SLC9B2: variants seen among roughly 807,000 people sequenced by gnomAD.
The protein encoded by SLC9B2 is solute carrier family 9 member B2, also known as sodium/hydrogen exchanger 9B2.
A neutral mutation model predicts 52.2 loss-of-function variants in SLC9B2; 39 were observed. That is an observed-to-expected ratio of 0.75 (90% CI 0.58 to 0.98). SLC9B2 has a LOEUF of 0.98. SLC9B2 is among the 50% of genes least tolerant of loss of function. The pLI, the probability that SLC9B2 is intolerant of heterozygous loss-of-function variation, is 0.00. For synonymous variants in SLC9B2, 214 were observed against 227.0 expected (o/e 0.94, Z 0.51); for missense variants, 626 against 637.5 (o/e 0.98, Z 0.19).
chr4:103,057,293 T>C (rs1156491854), intron 4 of SLC9B2, among the ~76,000 whole-genome samples: 171 of 146,726 alleles, frequency 1.2e-3, no homozygotes, highest in Middle Eastern at 7.0e-3. Flanking sequence ...CACACACATA[T>C]ATACACACAC....
At chr4:103,019,878 T>C (rs893661379), downstream of SLC9B2, 2 of 986,320 alleles carry the variant, frequency 2.0e-6, no homozygotes, top group South Asian at 4.6e-5. Context: ...GAATATTGAC[T>C]CATCGGGTTG....
chr4:103,056,361 T>A (rs147968447), intron 4 of SLC9B2, among the ~76,000 whole-genome samples: 1 of 151,592 alleles, frequency 6.6e-6, no homozygotes, highest in South Asian at 2.1e-4. Context: ...AATTCTCCTA[T>A]CTCAGCCTCC....
intron 9 of SLC9B2, among the ~76,000 whole-genome samples, chr4:103,036,922 G>C (rs1743233022): frequency 6.6e-6 from 1 of 151,816 alleles, no homozygotes; most frequent in Admixed American, 6.6e-5. Context: ...TATACACCAG[G>C]TCCTCAAATA....
At chr4:103,054,114 C>T (rs548113306) in intron 4 of SLC9B2, among the ~76,000 whole-genome samples, 1 of 151,712 alleles carries the variant, frequency 6.6e-6, no homozygotes, top group African/African-American at 2.4e-5. Flanking sequence ...CCTGTCTCTG[C>T]AAAAATAAAA....
intron 8 of SLC9B2, among the ~76,000 whole-genome samples, chr4:103,044,213 C>T (rs943651509): frequency 6.6e-6 from 1 of 152,158 alleles, no homozygotes; most frequent in African/African-American, 2.4e-5. Flanking sequence ...GCCTAAGCCT[C>T]AATTTCCTTA....
intron 3 of SLC9B2, 70 bp downstream of exon 3, chr4:103,066,257 C>A: frequency 6.6e-7 from 1 of 1,516,114 alleles, no homozygotes; most frequent in Non-Finnish European, 8.9e-7. Flanking sequence ...GTCCTTTCAA[C>A]CATATTATTT....
intron 4 of SLC9B2, 44 bp downstream of exon 4, chr4:103,057,757 A>C (rs1444808711): frequency 6.5e-7 from 1 of 1,548,272 alleles, no homozygotes; most frequent in African/African-American, 1.4e-5. Flanking sequence ...TTATCTTAAA[A>C]ATATAGTTTA....
At chr4:103,019,543 C>CCCGG, downstream of SLC9B2, 3 of 981,604 alleles carry the variant, frequency 3.1e-6, no homozygotes, top group South Asian at 1.4e-4. Flanking sequence ...TCGCGGCAGA[C>CCCGG]CCGGGACTAG....
intron 9 of SLC9B2, among the ~76,000 whole-genome samples, chr4:103,041,172 A>G (rs1743607081): frequency 6.6e-6 from 1 of 152,216 alleles, no homozygotes; most frequent in South Asian, 2.1e-4. Flanking sequence ...TCATTTCAGC[A>G]TAATTTAAAA....
downstream of SLC9B2, among the ~76,000 whole-genome samples, chr4:103,018,163 C>T (rs1741496101): frequency 6.6e-6 from 1 of 152,066 alleles, no homozygotes; most frequent in Admixed American, 6.5e-5. Flanking sequence ...AGGATGAGTA[C>T]AAAAATAAGT....
chr4:103,071,191 T>C lies in SLC9B2; in HGVS notation c.-42-3599A>G, dbSNP rs749551926. Among the ~76,000 whole-genome samples, 7 of 151,882 alleles carry C rather than the reference T, an allele frequency of 4.6e-5. No homozygotes were observed. The East Asian group carries it at 5.8e-4, about 13-fold the overall frequency. On this transcript the variant is annotated intron_variant, in intron 1 of 11. Transcript: ENST00000394785. The stretch of plus-strand genomic sequence containing the variant: ...TTTCTTATGTAATTTGATATATATA[T>C]ATATTTTGTTGTTGTTGTTGTTGTT...
In SLC9B2 at chr4:103,043,166, T is replaced by C. The variant is rs540882364; in HGVS notation, c.1146+130A>G. On this transcript the variant is annotated intron_variant, in intron 9 of 11. Coordinates refer to ENST00000394785, the MANE Select transcript of SLC9B2 (RefSeq NM_178833.7). ...AAAAGATGAACACTGGGTGTACATT[T>C]GTATATGCACATTAAGATAGCTTTT... is the stretch of plus-strand genomic sequence containing the variant. 17 of 972,342 alleles carry C rather than the reference T, an allele frequency of 1.7e-5. No individual in the cohort carries two copies. In the East Asian group the frequency reaches 3.3e-4, roughly 19 times the overall value. 60.2% of individuals were successfully genotyped at this position (972,342 alleles called of 1,614,324 possible).
At chr4:103,019,754 G>A, downstream of SLC9B2, 5 of 985,600 alleles carry the variant, frequency 5.1e-6, no homozygotes, top group Non-Finnish European at 3.6e-6. Context: ...AGGCGGCAGC[G>A]CGTTTAAGTG....
rs1314344131 is a variant in SLC9B2, at chr4:103,067,412, G to C, written c.90+49C>G. Reference sequence around the variant, plus strand: ...TTTGGGGATAGGAGAATTGGTAAATGAGTGGTAGAATATGAAGAAAACACA... The same window carrying C: ...TTTGGGGATAGGAGAATTGGTAAATCAGTGGTAGAATATGAAGAAAACACA... On this transcript the variant is annotated intron_variant, in intron 2 of 11. Coordinates refer to ENST00000394785, the MANE Select transcript of SLC9B2 (RefSeq NM_178833.7). 4 of 1,510,602 alleles carry C rather than the reference G, an allele frequency of 2.6e-6. No homozygotes were observed. In the African/African-American group the frequency reaches 5.5e-5, roughly 21 times the overall value. 93.6% of individuals were successfully genotyped at this position (1,510,602 alleles called of 1,614,324 possible). A position where few individuals can be genotyped will look rare whatever the true frequency, so the allele number is the denominator to read the frequency against.
At chr4:103,032,915 T>G (rs896169286) in intron 9 of SLC9B2, among the ~76,000 whole-genome samples, 8 of 152,164 alleles carry the variant, frequency 5.3e-5, no homozygotes, top group African/African-American at 1.9e-4. Flanking sequence ...GGTACAGGCT[T>G]AAGGGGATGA....
chr4:103,052,655 C>G (rs964089682), intron 4 of SLC9B2, among the ~76,000 whole-genome samples: 1 of 151,888 alleles, frequency 6.6e-6, no homozygotes, highest in African/African-American at 2.4e-5. Flanking sequence ...AATGGAATAT[C>G]CTAAGAAGAA....
In SLC9B2 at chr4:103,026,311, C is replaced by A; in HGVS notation, c.*59G>T. ...CTTAAACATTACATATTTCAATATG[C>A]ATCTTGAAAAAAGTAGCAGCTTTCT... On this transcript the variant is annotated 3_prime_UTR_variant, in exon 12 of 12. Coordinates refer to ENST00000394785, the MANE Select transcript of SLC9B2 (RefSeq NM_178833.7). 2 of 1,387,760 alleles carry A rather than the reference C, an allele frequency of 1.4e-6. No individual in the cohort carries two copies. Among genetic ancestry groups the A allele is most frequent in the South Asian group, 1.4e-5 (1 of 71,576 alleles). The allele number at this position is 1,387,760 out of a possible 1,614,324, so 86.0% of individuals were successfully genotyped here. A position where few individuals can be genotyped will look rare whatever the true frequency, so the allele number is the denominator to read the frequency against.
At chr4:103,031,069 C>G (rs1413678900) in intron 10 of SLC9B2, among the ~76,000 whole-genome samples, 1 of 151,824 alleles carries the variant, frequency 6.6e-6, no homozygotes, top group Non-Finnish European at 1.5e-5. Flanking sequence ...AAAATTGCGA[C>G]ATGGATATTT....
At position 103,048,923 on chromosome 4, in the gene SLC9B2, C is replaced by G; in HGVS notation, c.683G>C (p.Gly228Ala). ...TSALLAHYLL[G>A]LPWQWGFILG... ...TATAAATCCCCATTGCCATGGTAAA[C>G]CCAGCAGGTAATGGGCAAGAAGAGC... Residue 228 changes from glycine to alanine, a missense_variant, in exon 6 of 12, where the codon GGT (glycine) becomes GCT (alanine). Physicochemically the swap from Gly to Ala is moderately conservative, Grantham distance 60. Coordinates refer to ENST00000394785, the MANE Select transcript of SLC9B2 (RefSeq NM_178833.7). 2.5e-6 allele frequency: 4 copies of G among 1,613,840 alleles called. No homozygotes were observed. Among genetic ancestry groups the G allele is most frequent in the Non-Finnish European group, 3.4e-6 (4 of 1,179,840 alleles).
Sources: gnomAD v4.1 joint callset for allele counts (sites outside exome capture counted in the v4.1 genomes callset) on GRCh38, gnomAD v4.1.1 for gene constraint, MANE v1.5 for transcripts, NCBI Gene and HGNC (gene_info 2026-07-23, HGNC 2026-07-21) for gene names.